Variants in RPS6KA2 observed in about 807,000 individuals in gnomAD.
The protein encoded by RPS6KA2 is ribosomal protein S6 kinase A2.
RPS6KA2 carries 42 observed loss-of-function variants against 91.8 expected under a neutral mutation model. The ratio of observed to expected loss-of-function variants is 0.46; its 90% CI spans 0.36 to 0.59. The LOEUF (loss-of-function observed/expected upper bound fraction) is 0.59, where lower values mean the gene tolerates loss of function less well. Ranked by LOEUF, RPS6KA2 falls within the 20% of genes least tolerant of loss-of-function variation. RPS6KA2 has a pLI of 0.00. For synonymous variants in RPS6KA2, 414 were observed against 393.6 expected, an observed-to-expected ratio of 1.05 and a Z score of -0.61; for missense variants, 798 against 978.5, an observed-to-expected ratio of 0.82 and a Z score of 2.46.
chr6:166,617,729 T>G (rs943812550), intron 1 of RPS6KA2, among the ~76,000 whole-genome samples: 2 of 152,214 alleles, frequency 1.3e-5, no homozygotes, highest in Non-Finnish European at 2.9e-5. Flanking sequence ...CTAAATGACC[T>G]CCAAGGACTT....
intron 2 of RPS6KA2, among the ~76,000 whole-genome samples, chr6:166,683,279 C>T (rs1181773037): frequency 2.6e-5 from 4 of 152,210 alleles, no homozygotes; most frequent in Non-Finnish European, 5.9e-5. Flanking sequence ...AAAGTTTTAA[C>T]TTTATCAATT....
chr6:166,534,180 C>A (rs1467610407), intron 2 of RPS6KA2, among the ~76,000 whole-genome samples: 1 of 142,998 alleles, frequency 7.0e-6, no homozygotes. Flanking sequence ...CGAGATTCAG[C>A]CACTGCAGTC....
chr6:166,472,444 T>C (rs1341716956), intron 10 of RPS6KA2, among the ~76,000 whole-genome samples: 1 of 152,178 alleles, frequency 6.6e-6, no homozygotes, highest in Non-Finnish European at 1.5e-5. Flanking sequence ...TCCTTTCCCC[T>C]AAGGTAGTAA....
At chr6:166,530,756 C>T (rs1783244698) in intron 3 of RPS6KA2, among the ~76,000 whole-genome samples, 1 of 152,240 alleles carries the variant, frequency 6.6e-6, no homozygotes, top group South Asian at 2.1e-4. Context: ...GCTCATCCCT[C>T]ACTTGCAGGA....
intron 1 of RPS6KA2, among the ~76,000 whole-genome samples, chr6:166,565,758 C>A (rs1465537286): frequency 6.6e-6 from 1 of 152,184 alleles, no homozygotes; most frequent in East Asian, 1.9e-4. Flanking sequence ...GAGGGGTGCT[C>A]CTGTGTGGGC....
intron 2 of RPS6KA2, among the ~76,000 whole-genome samples, chr6:166,664,013 A>T (rs1463374977): frequency 1.3e-5 from 2 of 152,248 alleles, no homozygotes; most frequent in Admixed American, 1.3e-4. Flanking sequence ...AGGTTTTCTG[A>T]CAGTTCAGTC....
At chr6:166,472,890 C>T (rs1350624857) in intron 10 of RPS6KA2, among the ~76,000 whole-genome samples, 2 of 152,186 alleles carry the variant, frequency 1.3e-5, no homozygotes, top group Non-Finnish European at 1.5e-5. Flanking sequence ...ACTGTGAGCA[C>T]AGAAGGCCGG....
In RPS6KA2 at chr6:166,626,989, G is replaced by A. The variant is rs1173233562; in HGVS notation, c.31C>T (p.Arg11Cys). 2.6e-6 allele frequency: 4 copies of A among 1,551,556 alleles called. No homozygotes were observed. The highest frequency in any genetic ancestry group is 3.5e-6 in the Non-Finnish European group (4 of 1,147,666). Residue 11 changes from arginine to cysteine, a missense_variant, in exon 1 of 21, where the codon CGC becomes TGC. Arg to Cys is a radical substitution (Grantham distance 180). Coordinates refer to ENST00000265678, the MANE Select transcript of RPS6KA2 (RefSeq NM_021135.6). The surrounding 1 kb of genome is among the most constrained non-coding windows in gnomAD (Gnocchi z 4.1). ...CGCAGGTACACAGAGAAGAACCTGCGCACGGCGAACTTCTTCATGCTCAGG... is the reference window on the plus strand; with the variant it reads ...CGCAGGTACACAGAGAAGAACCTGCACACGGCGAACTTCTTCATGCTCAGG... The part of the protein sequence containing the change: MDLSMKKFAV[R>C]RFFSVYLRRK...
intron 14 of RPS6KA2, among the ~76,000 whole-genome samples, chr6:166,446,657 G>A (rs115204405): frequency 0.01 from 1,555 of 152,264 alleles, 27 homozygotes; most frequent in African/African-American, 0.036. Context: ...AGCTGGATAT[G>A]GGAATATTAG....
At chr6:166,785,863 A>G (rs958112915) in intron 2 of RPS6KA2, among the ~76,000 whole-genome samples, 7 of 152,268 alleles carry the variant, frequency 4.6e-5, no homozygotes, top group African/African-American at 1.7e-4. Context: ...AGGTATTGCC[A>G]AAAAGATTTT....
chr6:166,419,365 T>C lies in RPS6KA2; in HGVS notation c.1820+517A>G, dbSNP rs1778646027. Among the ~76,000 whole-genome samples the C allele has an allele frequency of 6.6e-6, 1 of 152,054 alleles. No individual in the cohort carries two copies. The highest frequency in any genetic ancestry group is 1.5e-5 in the Non-Finnish European group (1 of 68,014). Reference sequence around the variant, plus strand: ...ACAGGTTAAAGTGTTTAGCCCAGAGTCACGGCTAGTGGCGAGTGGGGCTCA... The same window carrying C: ...ACAGGTTAAAGTGTTTAGCCCAGAGCCACGGCTAGTGGCGAGTGGGGCTCA... On this transcript the variant is annotated intron_variant, in intron 18 of 20. Coordinates refer to ENST00000265678, the MANE Select transcript of RPS6KA2 (RefSeq NM_021135.6). The surrounding 1 kb of genome is among the most constrained non-coding windows in gnomAD (Gnocchi z 5.6).
At position 166,452,320 on chromosome 6, in the gene RPS6KA2, G is replaced by T. The variant is rs368927959; in HGVS notation, c.1076-1087C>A. On this transcript the variant is annotated intron_variant, in intron 12 of 20. Coordinates refer to ENST00000265678, the MANE Select transcript of RPS6KA2 (RefSeq NM_021135.6). ...AAGTGCACAGTAATAACAAATTGTA[G>T]ATGACGCAAACAAATGGAAAAACAT... Among the ~76,000 whole-genome samples, 3 of 152,152 alleles carry T rather than the reference G, an allele frequency of 2.0e-5. No homozygotes were observed. In the East Asian group the frequency reaches 5.8e-4, roughly 29 times the overall value.
chr6:166,430,965 C>T (rs1256616797), intron 15 of RPS6KA2, among the ~76,000 whole-genome samples: 1 of 152,112 alleles, frequency 6.6e-6, no homozygotes, highest in African/African-American at 2.4e-5. Flanking sequence ...CGCTCTGTCA[C>T]CCAGGCTGAA....
In RPS6KA2 at chr6:166,495,016, C is replaced by T. The variant is rs1046066286; in HGVS notation, c.747+3492G>A. Reference sequence around the variant, plus strand: ...AGTCACTTCTGATGCCACCCACGGACGTGTGGGAAGCGTGGGGCCTCCACA... The same window carrying T: ...AGTCACTTCTGATGCCACCCACGGATGTGTGGGAAGCGTGGGGCCTCCACA... On this transcript the variant is annotated intron_variant, in intron 8 of 20. Transcript: ENST00000265678. The surrounding 1 kb of genome is among the most constrained non-coding windows in gnomAD (Gnocchi z 4.4). Among the ~76,000 whole-genome samples the T allele has an allele frequency of 2.0e-5, 3 of 152,190 alleles. No individual in the cohort carries two copies. Among genetic ancestry groups the T allele is most frequent in the Admixed American group, 1.3e-4 (2 of 15,280 alleles).
intron 2 of RPS6KA2, among the ~76,000 whole-genome samples, chr6:166,679,814 G>T (rs1246684899): frequency 6.6e-6 from 1 of 152,238 alleles, no homozygotes; most frequent in Non-Finnish European, 1.5e-5. Flanking sequence ...GCTGGCGCGG[G>T]TTCCAGGTGA....
At chr6:166,768,063 CCCACCCA>C (rs1778368757) in intron 2 of RPS6KA2, among the ~76,000 whole-genome samples, 1 of 152,192 alleles carries the variant, frequency 6.6e-6, no homozygotes, top group African/African-American at 2.4e-5. Flanking sequence ...TTGTTCAAGT[CCCACCCA>C]ATCGACAGAT....
At chr6:166,656,789 T>C (rs1050376028) in intron 2 of RPS6KA2, among the ~76,000 whole-genome samples, 36 of 152,200 alleles carry the variant, frequency 2.4e-4, no homozygotes, top group Non-Finnish European at 4.1e-4. Context: ...CCCCAGCCCC[T>C]GGCTCAGGTA....
Position 166,852,944 on chromosome 6 carries a change from C to T in RPS6KA2, c.123+5256G>A, listed in dbSNP as rs1337557366. ...AATGCACCTGCCCTGCCCCCTCGCC[C>T]GGATACTTTCTATTCTGCTATGAAA... On this transcript the variant is annotated intron_variant, in intron 2 of 21. Coordinates refer to the RPS6KA2 transcript ENST00000503859. This position sits in a 1 kb window ranked among gnomAD's most constrained non-coding sequence, Gnocchi z 4.1. 1.3e-5 allele frequency among the ~76,000 whole-genome samples: 2 copies of T among 152,228 alleles called. No individual in the cohort carries two copies. The highest frequency in any genetic ancestry group is 2.1e-4 in the South Asian group (1 of 4,810).
intron 16 of RPS6KA2, among the ~76,000 whole-genome samples, chr6:166,429,834 GTGTA>G (rs893801407): frequency 5.3e-5 from 8 of 152,268 alleles, no homozygotes; most frequent in Admixed American, 4.6e-4. Context: ...GTGCTCCCGT[GTGTA>G]TGTGAGATGC....
Sources: allele counts gnomAD v4.1 joint callset (sites outside exome capture counted in the v4.1 genomes callset), GRCh38; gene constraint gnomAD v4.1.1; non-coding constraint Gnocchi (gnomAD v3.1); transcripts MANE v1.5; gene names NCBI Gene and HGNC (gene_info 2026-07-23, HGNC 2026-07-21).